The following NBPF14 variants were observed in gnomAD, a reference collection of about 807,000 sequenced individuals.
NBPF14 encodes NBPF family member NBPF14.
A neutral mutation model predicts 91.2 loss-of-function variants in NBPF14; 104 were observed. The observed-to-expected ratio is 1.14, with a 90% CI of 0.97 to 1.34. The LOEUF (loss-of-function observed/expected upper bound fraction) is 1.34. Among genes scored for constraint, NBPF14 ranks in the 40% most tolerant of loss-of-function variants. NBPF14 has a pLI of 0.00. For synonymous variants in NBPF14, 294 were observed against 303.8 expected (o/e 0.97, Z 0.34); for missense variants, 908 against 783.0 (o/e 1.16, Z -1.91).
exon 69 of NBPF14, chr1:148,534,848 C>G (rs1654733470): frequency 2.9e-6 from 3 of 1,017,886 alleles, no homozygotes; most frequent in Non-Finnish European, 4.6e-6. Flanking sequence ...CAGCAGCTCC[C>G]TGCTGAGCCT....
chr1:148,542,331 G>A (rs1368801915), intron 59 of NBPF14, among the ~76,000 whole-genome samples: 16 of 30,390 alleles, frequency 5.3e-4, no homozygotes, highest in Admixed American at 7.0e-4. Context: ...GGATCAGGGC[G>A]CCACAGGTAT....
In NBPF14 at chr1:148,534,869, GA is replaced by G. The variant is rs1654739333; in HGVS notation, c.8442-14del. ...CTCCCTGCTGAGCCTGGAAAAGTAG[GA>G]AAAAGTAAAGAATAAGCCAGGGGGA... On this transcript the variant is annotated splice_polypyrimidine_tract_variant and intron_variant, in intron 68 of 70. Coordinates refer to ENST00000619423, the Ensembl canonical transcript of NBPF14. 3.5e-6 allele frequency: 3 copies of G among 853,496 alleles called. No individual in the cohort carries two copies. The highest frequency in any genetic ancestry group is 1.8e-5 in the Admixed American group (1 of 56,030). 52.9% of individuals were successfully genotyped at this position (853,496 alleles called of 1,614,324 possible).
intron 6 of NBPF14, among the ~76,000 whole-genome samples, chr1:148,590,187 C>A (rs1662245263): frequency 7.1e-6 from 1 of 141,526 alleles, no homozygotes; most frequent in East Asian, 2.0e-4. Context: ...GTAGCTGGGA[C>A]TACAGGCGCC....
At chr1:148,559,965 C>A (rs1161539379) in exon 37 of NBPF14, 7 of 1,337,660 alleles carry the variant, frequency 5.2e-6, no homozygotes, top group Non-Finnish European at 7.3e-6. Flanking sequence ...CCCTGCTGAG[C>A]CTGGAAAAGT....
At chr1:148,534,441 A>T (rs1318320641) in intron 69 of NBPF14, among the ~76,000 whole-genome samples, 1 of 151,768 alleles carries the variant, frequency 6.6e-6, no homozygotes, top group Non-Finnish European at 1.5e-5. Flanking sequence ...GTCCAATGTC[A>T]TGAGAATAGG....
In NBPF14 at chr1:148,572,609, G is replaced by C; in HGVS notation, c.2592C>G (p.Ser864Arg). The change falls in exon 21 of 71, where the codon AGC becomes AGG. Residue 864 changes from serine (S) to arginine (R), a missense_variant. Transcript: ENST00000619423. The stretch of plus-strand genomic sequence containing the variant: ...GCTCTTTCTCATCCAGCAGCTCCCT[G>C]CTGAGCCTGGAAAAGTGGGAAAAAG... 3.2e-5 allele frequency: 18 copies of C among 569,080 alleles called. 3 individuals carry two copies. The South Asian group carries it at 3.3e-4, about 10-fold the overall frequency. 35.3% of individuals were successfully genotyped at this position (569,080 alleles called of 1,614,324 possible).
rs1278956459 is a variant in NBPF14 at position 148,592,869 on chromosome 1, C to G, written c.279-103G>C. 73 of 834,198 alleles carry G rather than the reference C, an allele frequency of 8.8e-5. 8 individuals carry two copies. The highest frequency in any genetic ancestry group is 9.5e-5 in the Non-Finnish European group (53 of 560,356). 51.7% of individuals were successfully genotyped at this position (834,198 alleles called of 1,614,324 possible). The stretch of plus-strand genomic sequence containing the variant: ...GAGACAATGTCATCAAGGAGACCTC[C>G]AAGCAGAAGGTCAGCACATGTTGAA... On this transcript the variant is annotated intron_variant, in intron 3 of 70. Transcript: ENST00000619423.
At chr1:148,580,882 A>T (rs1431720381) in intron 12 of NBPF14, among the ~76,000 whole-genome samples, 1 of 109,742 alleles carries the variant, frequency 9.1e-6, no homozygotes, top group Non-Finnish European at 1.9e-5. Context: ...TAATACTTTA[A>T]GTCTTAGGGT....
chr1:148,592,732 C>T, exon 4 of NBPF14: 1 of 1,585,870 alleles, frequency 6.3e-7, no homozygotes, highest in Non-Finnish European at 8.6e-7. Context: ...TGGGTCAGCT[C>T]TCGTTCCTGA....
chr1:148,576,838 T>G (rs1240008666), intron 15 of NBPF14, among the ~76,000 whole-genome samples: 4 of 148,688 alleles, frequency 2.7e-5, no homozygotes, highest in African/African-American at 7.3e-5. Context: ...TAGCGAGGAT[T>G]TCAGACGCTG....
chr1:148,577,378 A>C (rs1274321229), intron 14 of NBPF14, 23 bp from the exon 15 acceptor site: 5 of 628,226 alleles, frequency 8.0e-6, no homozygotes, highest in Non-Finnish European at 1.1e-5. Flanking sequence ...GAAAAAGTAA[A>C]GAATAAGCCA....
intron 69 of NBPF14, among the ~76,000 whole-genome samples, chr1:148,534,474 C>A (rs1230212452): frequency 1.3e-5 from 2 of 151,798 alleles, no homozygotes; most frequent in East Asian, 3.9e-4. Flanking sequence ...CAGGTATGGC[C>A]TGAGACTAGG....
chr1:148,584,943 C>A (rs1160191082), intron 10 of NBPF14, among the ~76,000 whole-genome samples, 198 bp downstream of exon 10: 2 of 147,498 alleles, frequency 1.4e-5, no homozygotes, highest in Non-Finnish European at 3.0e-5. Flanking sequence ...TATCCCTGTA[C>A]GGTGCAGACA....
At chr1:148,533,816 C>T (rs1173306122) in intron 70 of NBPF14, 45 bp downstream of exon 70, 2 of 768,420 alleles carry the variant, frequency 2.6e-6, no homozygotes, top group Admixed American at 1.7e-5. Flanking sequence ...CTGTTGCCTC[C>T]AGGAGTTAAC....
At chr1:148,534,514 T>C (rs1471931893) in intron 69 of NBPF14, among the ~76,000 whole-genome samples, 170 bp downstream of exon 69, 5 of 151,788 alleles carry the variant, frequency 3.3e-5, no homozygotes, top group Non-Finnish European at 5.9e-5. Context: ...ACCCATTTCA[T>C]GTCTAGGCTT....
chr1:148,539,276 A>C lies in NBPF14; in HGVS notation c.7882+134T>G. 9.4e-6 allele frequency: 6 copies of C among 635,200 alleles called. 1 individual carries two copies. The highest frequency in any genetic ancestry group is 5.0e-5 in the South Asian group (3 of 60,424). The allele number at this position is 635,200 out of a possible 1,614,324, so 39.3% of individuals were successfully genotyped here. A position where few individuals can be genotyped will look rare whatever the true frequency, so the allele number is the denominator to read the frequency against. The stretch of plus-strand genomic sequence containing the variant: ...CCAACTGAGACTACAGTTTCTTTAC[A>C]ACCTATATGCGCCCATAGGTCCTGA... On this transcript the variant is annotated intron_variant, in intron 63 of 70. Coordinates refer to ENST00000619423, the Ensembl canonical transcript of NBPF14.
chr1:148,593,187 AAAG>A (rs1662779838), intron 3 of NBPF14, among the ~76,000 whole-genome samples: 1 of 147,792 alleles, frequency 6.8e-6, no homozygotes, highest in East Asian at 1.9e-4. Context: ...TGAAAGAAGA[AAAG>A]AAGGACAGGG....
intron 34 of NBPF14, among the ~76,000 whole-genome samples, 161 bp from the exon 35 acceptor site, chr1:148,561,740 G>C (rs1276110062): frequency 9.1e-6 from 1 of 109,936 alleles, no homozygotes; most frequent in Non-Finnish European, 1.7e-5. Flanking sequence ...GACAGAACAG[G>C]GCCAAATGGA....
chr1:148,587,030 T>A (rs1488332580), intron 8 of NBPF14, among the ~76,000 whole-genome samples: 2 of 147,074 alleles, frequency 1.4e-5, no homozygotes, highest in African/African-American at 4.9e-5. Flanking sequence ...TGCTGTGTGG[T>A]TCACACTCCT....
Sources: allele counts gnomAD v4.1 joint callset (sites outside exome capture counted in the v4.1 genomes callset), GRCh38; gene constraint gnomAD v4.1.1; transcripts MANE v1.5; gene names NCBI Gene and HGNC (gene_info 2026-07-23, HGNC 2026-07-21).